The following COG4 variants were observed in gnomAD, a reference collection of about 807,000 sequenced individuals.
COG4 encodes the protein conserved oligomeric Golgi complex subunit 4.
COG4 carries 65 observed loss-of-function variants against 95.1 expected under a neutral mutation model. The ratio of observed to expected loss-of-function variants is 0.68; its 90% CI spans 0.56 to 0.84. The LOEUF is 0.84. COG4 is among the 40% of genes least tolerant of loss of function. The pLI is 0.00. For missense variants in COG4, 1,045 were observed against 989.1 expected (o/e 1.06, Z -0.76); for synonymous variants, 421 against 374.8 (o/e 1.12, Z -1.42).
intron 12 of COG4, among the ~76,000 whole-genome samples, chr16:70,491,591 G>A (rs552654155): frequency 3.4e-5 from 5 of 148,342 alleles, no homozygotes; most frequent in East Asian, 4.0e-4. Context: ...TTGGGAGGCC[G>A]AAGCAGGTGG....
At chr16:70,515,676 CTG>C (rs2049806617) in intron 3 of COG4, among the ~76,000 whole-genome samples, 1 of 150,872 alleles carries the variant, frequency 6.6e-6, no homozygotes, top group Non-Finnish European at 1.5e-5. Flanking sequence ...GAGTGAGACT[CTG>C]TCTCAAAATC....
At position 70,480,935 on chromosome 16, in the gene COG4, G is replaced by T; in HGVS notation, c.*75C>A. On this transcript the variant is annotated 3_prime_UTR_variant, in exon 19 of 19. Coordinates refer to ENST00000323786, the MANE Select transcript of COG4 (RefSeq NM_015386.3). ...GATCTCCCCCAAGCCAGACAGCCTC[G>T]CTCAGCTCCTTGGCTGGGGCCCCTT... The T allele has an allele frequency of 6.4e-7, 1 of 1,572,430 alleles. No homozygotes were observed. Among genetic ancestry groups the T allele is most frequent in the Non-Finnish European group, 8.7e-7 (1 of 1,151,460 alleles).
In COG4 at chr16:70,514,424, C is replaced by G. The variant is rs1157826348; in HGVS notation, c.455G>C (p.Ser152Thr). 1 of 1,614,064 alleles carries G rather than the reference C, an allele frequency of 6.2e-7. No individual in the cohort carries two copies. The highest frequency in any genetic ancestry group is 1.6e-4 in the Middle Eastern group (1 of 6,062). ...CMDGVQTALR[S>T]EDYEQAAAHT... ...TGCTGCAGCCTGCTCATAATCTTCA[C>G]TCCTCAAAGCAGTCTGAACTCCATC... Residue 152 changes from serine to threonine, a missense_variant, in exon 4 of 19, where the codon AGT becomes ACT. Transcript: ENST00000323786.
intron 8 of COG4, among the ~76,000 whole-genome samples, chr16:70,504,972 A>C (rs1372872911): frequency 1.3e-5 from 2 of 152,100 alleles, no homozygotes; most frequent in African/African-American, 4.8e-5. Flanking sequence ...ACCTTGGATT[A>C]AATGATTTAA....
intron 8 of COG4, among the ~76,000 whole-genome samples, chr16:70,504,538 C>T (rs1396726896): frequency 4.1e-5 from 6 of 147,692 alleles, no homozygotes; most frequent in African/African-American, 7.6e-5. Context: ...TCCTGGGAGG[C>T]GGAGATTGCA....
intron 15 of COG4, chr16:70,482,457 G>A: frequency 1.7e-6 from 1 of 601,510 alleles, no homozygotes; most frequent in Non-Finnish European, 2.9e-6. Flanking sequence ...ACGCCAGGAG[G>A]AAAAAAACGC....
intron 2 of COG4, among the ~76,000 whole-genome samples, chr16:70,519,023 A>G (rs2151765141): frequency 6.6e-6 from 1 of 151,848 alleles, no homozygotes; most frequent in South Asian, 2.1e-4. Context: ...TGTGCATTAG[A>G]ATCACTTGGT....
In COG4 at chr16:70,517,669, G is replaced by T. The variant is rs771641716; in HGVS notation, c.326C>A (p.Ala109Asp). ...ACGAACTTTGCTGGACACATTCTCA[G>T]CCAGGTTGCAGGTAAAGGTGATCAT... The part of the protein sequence containing the change: ...AGMITFTCNL[A>D]ENVSSKVRQL... The change falls in exon 3 of 19, where the codon GCT becomes GAT. Residue 109 changes from alanine to aspartate, a missense_variant. Transcript: ENST00000323786. 17 of 1,610,080 alleles carry T rather than the reference G, an allele frequency of 1.1e-5. No homozygotes were observed. In the South Asian group the frequency reaches 1.8e-4, roughly 17 times the overall value.
intron 6 of COG4, among the ~76,000 whole-genome samples, chr16:70,509,689 T>G (rs2049657146): frequency 6.6e-6 from 1 of 152,194 alleles, no homozygotes; most frequent in South Asian, 2.1e-4. Flanking sequence ...AATTTATTCG[T>G]ACAGAGTTTG....
Position 70,497,406 on chromosome 16 carries a change from C to G in COG4, c.1315-19G>C. On this transcript the variant is annotated intron_variant, in intron 10 of 18. Coordinates refer to ENST00000323786, the MANE Select transcript of COG4 (RefSeq NM_015386.3). ...CCACAGCCTACCCAAAAGGCAAAGC[C>G]AACACTGAGGGTCCCAGTTGTGCAT... is the stretch of plus-strand genomic sequence containing the variant. 1.2e-6 allele frequency: 2 copies of G among 1,610,834 alleles called. No individual in the cohort carries two copies. Among genetic ancestry groups the G allele is most frequent in the East Asian group, 2.2e-5 (1 of 44,884 alleles).
At chr16:70,494,588 G>A (rs1009120781) in intron 12 of COG4, among the ~76,000 whole-genome samples, 2 of 152,228 alleles carry the variant, frequency 1.3e-5, no homozygotes, top group African/African-American at 2.4e-5. Flanking sequence ...TGCACTGGCC[G>A]GTTTTGGAGA....
At chr16:70,514,872 C>T (rs1335817999) in intron 3 of COG4, among the ~76,000 whole-genome samples, 1 of 151,638 alleles carries the variant, frequency 6.6e-6, no homozygotes, top group Non-Finnish European at 1.5e-5. Context: ...GCCACCATGC[C>T]TGGCTAGTTT....
At chr16:70,505,437 C>T (rs564102452) in intron 8 of COG4, among the ~76,000 whole-genome samples, 17 of 150,306 alleles carry the variant, frequency 1.1e-4, no homozygotes, top group South Asian at 6.4e-4. Flanking sequence ...TTCCTGACCT[C>T]GTGATCCACC....
chr16:70,519,778 C>A (rs1477614533), intron 1 of COG4, 47 bp from the exon 2 acceptor site: 1 of 1,402,964 alleles, frequency 7.1e-7, no homozygotes, highest in African/African-American at 1.4e-5. Flanking sequence ...CAGAAGGAAC[C>A]TTAAGAGTTA....
At chr16:70,486,787 G>C (rs1022215158) in intron 13 of COG4, among the ~76,000 whole-genome samples, 15 of 151,962 alleles carry the variant, frequency 9.9e-5, no homozygotes, top group African/African-American at 3.4e-4. Context: ...ACGAGGTGAA[G>C]AGATCAAGAC....
chr16:70,510,278 G>C (rs535914499), intron 5 of COG4, among the ~76,000 whole-genome samples: 110 of 152,252 alleles, frequency 7.2e-4, no homozygotes, highest in African/African-American at 2.5e-3. Context: ...TTAGCCAAGG[G>C]AGAGAGTCCC....
At chr16:70,509,138 T>C in intron 7 of COG4, 93 bp downstream of exon 7, 1 of 1,525,764 alleles carries the variant, frequency 6.6e-7, no homozygotes, top group Non-Finnish European at 9.1e-7. Flanking sequence ...GTCTGCACCT[T>C]TTTTTTCACT....
rs113455884 is a variant in COG4 at position 70,483,921 on chromosome 16, G to T, written c.1759C>A (p.Gln587Lys). Residue 587 changes from glutamine to lysine, a missense_variant, in exon 14 of 19, where the codon CAG becomes AAG. Transcript: ENST00000323786. ...FSQGIGGEQA[Q>K]AKFDSCLSDL... Reference sequence around the variant, plus strand: ...GAAAGGCAGCTGTCAAACTTGGCCTGGGCCTGCTCCCCTCCAATGCCCTGG... The same window carrying T: ...GAAAGGCAGCTGTCAAACTTGGCCTTGGCCTGCTCCCCTCCAATGCCCTGG... 13,228 of 1,613,232 alleles carry T rather than the reference G, an allele frequency of 8.2e-3. 79 individuals are homozygous for T. Among genetic ancestry groups the T allele is most frequent in the Non-Finnish European group, 0.01 (12,112 of 1,179,978 alleles).
chr16:70,508,423 T>C lies in COG4; in HGVS notation c.1044A>G (p.Thr348=), dbSNP rs2049624700. 4.3e-6 allele frequency: 7 copies of C among 1,614,020 alleles called. No homozygotes were observed. In the Admixed American group the frequency reaches 1.2e-4, roughly 27 times the overall value. Reference sequence around the variant, plus strand: ...ATTATTACCTTGGTTCGATTTTTTCTGTTGTAGAATTTCTCATCAGGTTGT... The same window carrying C: ...ATTATTACCTTGGTTCGATTTTTTCCGTTGTAGAATTTCTCATCAGGTTGT... ...VQNNLMRNST[T]EKIEPRELDP... The change falls in exon 8 of 19, where the codon ACA becomes ACG. Residue 348 remains threonine (T), a synonymous_variant. Coordinates refer to ENST00000323786, the MANE Select transcript of COG4 (RefSeq NM_015386.3).
Sources: allele counts gnomAD v4.1 joint callset (sites outside exome capture counted in the v4.1 genomes callset), GRCh38; gene constraint gnomAD v4.1.1; transcripts MANE v1.5; gene names NCBI Gene and HGNC (gene_info 2026-07-23, HGNC 2026-07-21).